TMEM135: variants seen among roughly 807,000 people sequenced by gnomAD.
TMEM135 encodes the protein peroxisomal membrane protein 52.
Under a neutral mutation model 60.3 loss-of-function variants are expected in TMEM135, and 30 were observed. That is an observed-to-expected ratio of 0.50 (90% CI 0.37 to 0.68). The LOEUF is 0.68. Among genes scored for constraint, TMEM135 ranks in the 30% least tolerant of loss-of-function variants. The pLI is 0.00. For synonymous variants in TMEM135, 190 were observed against 186.7 expected (o/e 1.02, Z -0.14); for missense variants, 468 against 548.8 (o/e 0.85, Z 1.47).
chr11:87,255,794 G>A (rs568875181), intron 6 of TMEM135, among the ~76,000 whole-genome samples: 1 of 152,286 alleles, frequency 6.6e-6, no homozygotes, highest in South Asian at 2.1e-4. Flanking sequence ...AGAGAAGGGA[G>A]GGTTAAGAGG....
At chr11:87,298,952 G>C (rs1042170540) in intron 7 of TMEM135, among the ~76,000 whole-genome samples, 1 of 152,052 alleles carries the variant, frequency 6.6e-6, no homozygotes, top group Non-Finnish European at 1.5e-5. Context: ...GCTGGGTGTG[G>C]TGATGGGCGC....
intron 5 of TMEM135, among the ~76,000 whole-genome samples, chr11:87,223,758 G>A (rs1251095764): frequency 6.6e-6 from 1 of 151,896 alleles, no homozygotes; most frequent in African/African-American, 2.4e-5. Context: ...GCTGAAGCAG[G>A]AGAATCGCTT....
At chr11:87,130,929 G>GTT (rs1937908890) in intron 4 of TMEM135, among the ~76,000 whole-genome samples, 1 of 146,664 alleles carries the variant, frequency 6.8e-6, no homozygotes, top group Non-Finnish European at 1.5e-5. Context: ...TTTAGTTACA[G>GTT]TTTTCTTTTT....
rs140303858 is a variant in TMEM135, at chr11:87,159,617, A to ACACACACACCCC, written c.462+2212_462+2213insACACACACCCCC. On this transcript the variant is annotated intron_variant, in intron 5 of 14. Coordinates refer to ENST00000305494, the MANE Select transcript of TMEM135 (RefSeq NM_022918.4). Reference sequence around the variant, plus strand: ...CGCACACACACACACACACACACACACCATAGATTTTCCGAGACGGTTGGC... The same window carrying ACACACACACCCC: ...CGCACACACACACACACACACACACACACACACACCCCCCATAGATTTTCCGAGACGGTTGGC... Among the ~76,000 whole-genome samples, 578 of 149,432 alleles carry ACACACACACCCC rather than the reference A, an allele frequency of 3.9e-3. 6 individuals carry two copies. Among genetic ancestry groups the ACACACACACCCC allele is most frequent in the East Asian group, 0.012 (60 of 4,994 alleles).
intron 6 of TMEM135, among the ~76,000 whole-genome samples, chr11:87,292,173 T>G (rs1406346687): frequency 6.6e-6 from 1 of 152,230 alleles, no homozygotes; most frequent in Non-Finnish European, 1.5e-5. Context: ...TTCTTAACCA[T>G]ACTGTGTAAA....
Position 87,323,595 on chromosome 11 carries a change from A to G in TMEM135, c.*2262A>G, listed in dbSNP as rs1438816144. The G allele has an allele frequency of 8.8e-6, 4 of 453,764 alleles. No individual in the cohort carries two copies. Among genetic ancestry groups the G allele is most frequent in the South Asian group, 6.2e-5 (4 of 64,320 alleles). 28.1% of individuals were successfully genotyped at this position (453,764 alleles called of 1,614,324 possible). A position where few individuals can be genotyped will look rare whatever the true frequency, so the allele number is the denominator to read the frequency against. On this transcript the variant is annotated 3_prime_UTR_variant, in exon 15 of 15. Coordinates refer to ENST00000305494, the MANE Select transcript of TMEM135 (RefSeq NM_022918.4). ...GTTTTCACTGGAACTGATTACAGTA[A>G]ACAATAATATGTCCCCTTAGTCTTT...
chr11:87,287,512 A>G (rs1329208864), intron 6 of TMEM135, among the ~76,000 whole-genome samples: 3 of 152,118 alleles, frequency 2.0e-5, no homozygotes, highest in African/African-American at 7.2e-5. Context: ...CCCCGTCTCT[A>G]CTAAAAATAC....
At chr11:87,272,326 G>A (rs1941885041) in intron 6 of TMEM135, among the ~76,000 whole-genome samples, 1 of 151,910 alleles carries the variant, frequency 6.6e-6, no homozygotes, top group Admixed American at 6.6e-5. Flanking sequence ...AAAGTGTTGG[G>A]ATTACAGACT....
At chr11:87,191,913 T>C (rs1268105861) in intron 5 of TMEM135, among the ~76,000 whole-genome samples, 2 of 151,912 alleles carry the variant, frequency 1.3e-5, no homozygotes, top group Non-Finnish European at 2.9e-5. Flanking sequence ...TGAGAAGTCA[T>C]CTGGACGTGG....
chr11:87,162,613 T>G (rs1210978561), intron 5 of TMEM135, among the ~76,000 whole-genome samples: 1 of 152,214 alleles, frequency 6.6e-6, no homozygotes, highest in African/African-American at 2.4e-5. Flanking sequence ...CTTTATCCAG[T>G]CTATCACTTA....
chr11:87,321,096 A>T, intron 14 of TMEM135, 105 bp from the exon 15 acceptor site: 4 of 1,040,440 alleles, frequency 3.8e-6, no homozygotes, highest in Non-Finnish European at 5.6e-6. Flanking sequence ...TTGCCACGTT[A>T]GCCTTTTCTG....
chr11:87,153,892 A>C (rs1938624648), intron 4 of TMEM135, among the ~76,000 whole-genome samples: 1 of 152,216 alleles, frequency 6.6e-6, no homozygotes, highest in Non-Finnish European at 1.5e-5. Flanking sequence ...ATCCTAAAGA[A>C]TGTTTTATTA....
chr11:87,105,234 G>C (rs749838327), intron 4 of TMEM135, among the ~76,000 whole-genome samples: 1 of 152,202 alleles, frequency 6.6e-6, no homozygotes, highest in Non-Finnish European at 1.5e-5. Flanking sequence ...CATGAACCTT[G>C]TCAGGAATCA....
At chr11:87,174,914 T>C (rs1050374046) in intron 5 of TMEM135, among the ~76,000 whole-genome samples, 4 of 152,166 alleles carry the variant, frequency 2.6e-5, no homozygotes, top group African/African-American at 9.6e-5. Context: ...CTATCTCTAA[T>C]GTGGTGGGAA....
At chr11:87,252,826 G>C (rs1941447312) in intron 6 of TMEM135, among the ~76,000 whole-genome samples, 1 of 151,174 alleles carries the variant, frequency 6.6e-6, no homozygotes, top group Admixed American at 6.6e-5. Context: ...GTGTGTGTGT[G>C]TGTGTATTAT....
chr11:87,139,456 A>T (rs977151456), intron 4 of TMEM135, among the ~76,000 whole-genome samples: 1 of 151,988 alleles, frequency 6.6e-6, no homozygotes, highest in African/African-American at 2.4e-5. Flanking sequence ...TTCTCTTCCC[A>T]TGTCCTAGAT....
At chr11:87,254,085 A>C (rs2135394451) in intron 6 of TMEM135, among the ~76,000 whole-genome samples, 1 of 152,270 alleles carries the variant, frequency 6.6e-6, no homozygotes, top group East Asian at 1.9e-4. Context: ...AAACATTCAT[A>C]GGTAAAAGAA....
intron 1 of TMEM135, among the ~76,000 whole-genome samples, chr11:87,044,408 C>T (rs544351730): frequency 6.6e-6 from 1 of 151,726 alleles, no homozygotes; most frequent in South Asian, 2.1e-4. Context: ...TTGTTTTTGG[C>T]TTAAAAAAAT....
chr11:87,162,386 G>A (rs1182947263), intron 5 of TMEM135, among the ~76,000 whole-genome samples: 3 of 152,134 alleles, frequency 2.0e-5, no homozygotes, highest in East Asian at 1.9e-4. Context: ...TCCAACGCCC[G>A]ACAGGCCCCA....
Sources: gnomAD v4.1 joint callset for allele counts (sites outside exome capture counted in the v4.1 genomes callset) on GRCh38, gnomAD v4.1.1 for gene constraint, MANE v1.5 for transcripts, NCBI Gene and HGNC (gene_info 2026-07-23, HGNC 2026-07-21) for gene names.